Variants in PLCG2 observed in about 807,000 individuals in gnomAD.
PLCG2 encodes phospholipase C gamma 2.
Under a neutral mutation model 175.6 loss-of-function variants are expected in PLCG2, and 69 were observed. The observed-to-expected ratio is 0.39, with a 90% confidence interval of 0.32 to 0.48. PLCG2 has a LOEUF of 0.48. Ranked by LOEUF, PLCG2 falls within the 20% of genes least tolerant of loss-of-function variation. The pLI is 0.91. For missense variants in PLCG2, 1,798 were observed against 1,650.9 expected (o/e 1.09, Z -1.54); for synonymous variants, 827 against 624.0 (o/e 1.33, Z -4.85).
chr16:81,962,106 C>T lies in PLCG2; in HGVS notation c.*4108C>T, dbSNP rs1046888725. ...ACCCCGATAGAGGAGGACCGGTCTT[C>T]GGTCAAGGGTATACGAGTAGCTGCG... On this transcript the variant is annotated 3_prime_UTR_variant, in exon 33 of 33. Coordinates refer to ENST00000564138, the MANE Select transcript of PLCG2 (RefSeq NM_002661.5). 1.1e-4 allele frequency: 21 copies of T among 185,442 alleles called. No homozygotes were observed. The highest frequency in any genetic ancestry group is 1.4e-4 in the Non-Finnish European group (12 of 87,096). The allele number at this position is 185,442 out of a possible 1,614,324, so 11.5% of individuals were successfully genotyped here.
chr16:81,747,938 G>A (rs1481597415), intron 1 of PLCG2, among the ~76,000 whole-genome samples: 1 of 152,012 alleles, frequency 6.6e-6, no homozygotes, highest in East Asian at 1.9e-4. Flanking sequence ...GCAGTAGCGT[G>A]ATCTTGGGTC....
chr16:81,753,868 G>C (rs1232641034), intron 1 of PLCG2, among the ~76,000 whole-genome samples: 8 of 152,154 alleles, frequency 5.3e-5, no homozygotes, highest in Non-Finnish European at 1.2e-4. Context: ...AGAGGGCCTG[G>C]GGAGTGGGAA....
At chr16:81,939,389 A>G (rs1262161641) in intron 29 of PLCG2, among the ~76,000 whole-genome samples, 1 of 152,190 alleles carries the variant, frequency 6.6e-6, no homozygotes, top group East Asian at 1.9e-4. Context: ...GGCCTTCTAA[A>G]GCACAGGATC....
intron 1 of PLCG2, among the ~76,000 whole-genome samples, chr16:81,747,599 C>A (rs560936862): frequency 1.3e-5 from 2 of 152,296 alleles, no homozygotes; most frequent in African/African-American, 2.4e-5. Context: ...GTCATCTACA[C>A]ATCTGTGGAT....
chr16:81,848,456 C>T (rs1054014563), intron 2 of PLCG2, among the ~76,000 whole-genome samples: 1 of 152,106 alleles, frequency 6.6e-6, no homozygotes, highest in South Asian at 2.1e-4. Flanking sequence ...GAATTTCATT[C>T]TTTCTTTCTT....
intron 18 of PLCG2, among the ~76,000 whole-genome samples, chr16:81,912,274 C>A (rs1439899082): frequency 6.6e-6 from 1 of 152,076 alleles, no homozygotes; most frequent in Admixed American, 6.5e-5. Context: ...TTGTGTTGGC[C>A]AGGCTGGTCT....
intron 2 of PLCG2, among the ~76,000 whole-genome samples, chr16:81,832,019 C>G (rs1905278996): frequency 6.6e-6 from 1 of 152,186 alleles, no homozygotes; most frequent in Non-Finnish European, 1.5e-5. Context: ...CAGTCATGCC[C>G]CACCATTGAG....
At chr16:81,931,392 C>T in intron 24 of PLCG2, 105 bp from the exon 25 acceptor site, 1 of 1,053,850 alleles carries the variant, frequency 9.5e-7, no homozygotes, top group Non-Finnish European at 1.4e-6. Flanking sequence ...GTGGTCATAG[C>T]AGTGGTGGTT....
intron 9 of PLCG2, 65 bp from the exon 10 acceptor site, chr16:81,889,107 C>G (rs9924401): frequency 1.0e-6 from 1 of 989,098 alleles, no homozygotes; most frequent in African/African-American, 1.6e-5. Flanking sequence ...TGGATGGACC[C>G]TGGGAAATGA....
intron 5 of PLCG2, among the ~76,000 whole-genome samples, chr16:81,867,022 C>T (rs551037237): frequency 6.6e-6 from 1 of 152,246 alleles, no homozygotes; most frequent in Non-Finnish European, 1.5e-5. Context: ...TCTGTGAAAG[C>T]CGTGGGTGCT....
chr16:81,782,410 C>CA (rs1340729203), intron 1 of PLCG2, among the ~76,000 whole-genome samples: 1 of 150,520 alleles, frequency 6.6e-6, no homozygotes, highest in Non-Finnish European at 1.5e-5. Flanking sequence ...TTGAAAAAAC[C>CA]AAAAAAAGCA....
chr16:81,838,188 C>T (rs903459269), intron 2 of PLCG2, among the ~76,000 whole-genome samples: 1 of 151,772 alleles, frequency 6.6e-6, no homozygotes, highest in African/African-American at 2.4e-5. Flanking sequence ...AAGTGATTCT[C>T]TTGCCTCAAC....
intron 2 of PLCG2, among the ~76,000 whole-genome samples, chr16:81,812,337 C>G (rs534299790): frequency 6.6e-6 from 1 of 152,294 alleles, no homozygotes; most frequent in Non-Finnish European, 1.5e-5. Flanking sequence ...GCGTGAGCCA[C>G]CGCACCCGGC....
At chr16:81,779,657 C>T (rs1169079283) in intron 1 of PLCG2, among the ~76,000 whole-genome samples, 1 of 152,122 alleles carries the variant, frequency 6.6e-6, no homozygotes, top group Non-Finnish European at 1.5e-5. Context: ...CCGGCGCCAC[C>T]TCTCCGGTCC....
At chr16:81,786,295 T>G (rs1428091846) in intron 2 of PLCG2, 113 bp downstream of exon 2, 1 of 852,420 alleles carries the variant, frequency 1.2e-6, no homozygotes, top group Admixed American at 2.8e-5. Flanking sequence ...TGATGTGTTC[T>G]TTTATTCGTC....
chr16:81,842,822 A>C (rs1348450555), intron 2 of PLCG2: 1 of 151,994 alleles, frequency 6.6e-6, no homozygotes, highest in Admixed American at 6.6e-5. Context: ...AGAGGAAGCT[A>C]TGAGACGTAC....
At chr16:81,845,468 A>G (rs1291991355) in intron 2 of PLCG2, among the ~76,000 whole-genome samples, 1 of 152,252 alleles carries the variant, frequency 6.6e-6, no homozygotes, top group Admixed American at 6.5e-5. Context: ...GCAGAGGCAC[A>G]GAGAATTGAA....
intron 31 of PLCG2, among the ~76,000 whole-genome samples, chr16:81,946,590 G>C (rs2143755398): frequency 6.6e-6 from 1 of 152,160 alleles, no homozygotes; most frequent in South Asian, 2.1e-4. Flanking sequence ...ATCCTTTCTG[G>C]ATGCTTTTTG....
Position 81,910,415 on chromosome 16 carries a change from G to C in PLCG2, c.1734-105G>C, listed in dbSNP as rs1020337497. On this transcript the variant is annotated intron_variant, in intron 17 of 32. Transcript: ENST00000564138. ...CTCCTGTGTCTGTTCTAGGAGCAGAGGGAAGGTTGTGTGGCCACATGTAAT... is the reference window on the plus strand; with the variant it reads ...CTCCTGTGTCTGTTCTAGGAGCAGACGGAAGGTTGTGTGGCCACATGTAAT... 5 of 970,970 alleles carry C rather than the reference G, an allele frequency of 5.1e-6. No homozygotes were observed. The Admixed American group carries it at 7.6e-5, about 15-fold the overall frequency. The allele number at this position is 970,970 out of a possible 1,614,324, so 60.1% of individuals were successfully genotyped here. A position where few individuals can be genotyped will look rare whatever the true frequency, so the allele number is the denominator to read the frequency against.
Sources: allele counts gnomAD v4.1 joint callset (sites outside exome capture counted in the v4.1 genomes callset), GRCh38; gene constraint gnomAD v4.1.1; transcripts MANE v1.5; gene names NCBI Gene and HGNC (gene_info 2026-07-23, HGNC 2026-07-21).